The following EIF2AK4 variants were observed in gnomAD, a reference collection of about 807,000 sequenced individuals.
The protein encoded by EIF2AK4 is eIF-2-alpha kinase GCN2.
A neutral mutation model predicts 211.1 loss-of-function variants in EIF2AK4; 139 were observed. The ratio of observed to expected loss-of-function variants is 0.66; its 90% CI spans 0.57 to 0.76. EIF2AK4 has a LOEUF of 0.76. Ranked by LOEUF, EIF2AK4 falls within the 30% of genes least tolerant of loss-of-function variation. The probability of loss-of-function intolerance (pLI) is 0.00; values close to 1 mark genes in which losing one functional copy is unlikely to be tolerated. For synonymous variants in EIF2AK4, 710 were observed against 751.3 expected (o/e 0.94, Z 0.90); for missense variants, 1,664 against 2,043.8 (o/e 0.81, Z 3.58).
Position 39,992,849 on chromosome 15 carries a change from G to A in EIF2AK4, c.2766+1G>A, listed in dbSNP as rs2034964081. On this transcript the variant is annotated splice_donor_variant, in intron 18 of 38. Coordinates refer to ENST00000263791, the MANE Select transcript of EIF2AK4 (RefSeq NM_001013703.4). LOFTEE classifies it high-confidence loss of function. ...AAGCACCAAATCTGCATACAACCAG[G>A]TAAGAGGTTTTGTGGGGAAAAGGAA... 6.2e-7 allele frequency: 1 copy of A among 1,613,906 alleles called. No homozygotes were observed. Among genetic ancestry groups the A allele is most frequent in the Non-Finnish European group, 8.5e-7 (1 of 1,179,936 alleles).
Position 40,034,975 on chromosome 15 carries a change from T to C in EIF2AK4, c.4893-52T>C, listed in dbSNP as rs1054005273. On this transcript the variant is annotated intron_variant, in intron 38 of 38. Coordinates refer to ENST00000263791, the MANE Select transcript of EIF2AK4 (RefSeq NM_001013703.4). ...TGTTATAAAAATTTATTAGCTCTGTTCTTCACTCATTAAACTGAGTCTGTC... is the reference window on the plus strand; with the variant it reads ...TGTTATAAAAATTTATTAGCTCTGTCCTTCACTCATTAAACTGAGTCTGTC... 31 of 1,433,228 alleles carry C rather than the reference T, an allele frequency of 2.2e-5. No individual in the cohort carries two copies. In the African/African-American group the frequency reaches 3.3e-4, roughly 15 times the overall value. The allele number at this position is 1,433,228 out of a possible 1,614,324, so 88.8% of individuals were successfully genotyped here.
rs760774483 is a variant in EIF2AK4 at position 39,967,611 on chromosome 15, T to C, written c.1285T>C (p.Ser429Pro). 3 of 1,614,014 alleles carry C rather than the reference T, an allele frequency of 1.9e-6. No individual in the cohort carries two copies. The highest frequency in any genetic ancestry group is 2.2e-5 in the East Asian group (1 of 44,888). Residue 429 changes from serine (S) to proline (P), a missense_variant, in exon 9 of 39, where the codon TCT becomes CCT. Physicochemically the swap from Ser to Pro is moderately conservative, Grantham distance 74 (BLOSUM62 -1). Transcript: ENST00000263791. ...TGTGGTGCATAAGGTCCTGAGTGCA[T>C]CTAATGTCTTGGTGGATGCAGAAGG... ...NSVVHKVLSA[S>P]NVLVDAEGTV...
intron 9 of EIF2AK4, among the ~76,000 whole-genome samples, chr15:39,972,327 G>A (rs1374466934): frequency 1.3e-5 from 2 of 150,064 alleles, no homozygotes; most frequent in Non-Finnish European, 3.0e-5. Context: ...TGCAGCCTGG[G>A]CGATACGGCA....
chr15:39,954,072 A>G, intron 5 of EIF2AK4, 88 bp downstream of exon 5: 2 of 1,088,228 alleles, frequency 1.8e-6, no homozygotes, highest in Non-Finnish European at 2.5e-6. Flanking sequence ...TACTATCAGT[A>G]ATACAGCTTA....
intron 29 of EIF2AK4, among the ~76,000 whole-genome samples, chr15:40,017,551 A>ATATATGTATG (rs71132134): frequency 3.4e-5 from 3 of 87,082 alleles, no homozygotes; most frequent in Non-Finnish European, 6.9e-5. Context: ...ATATATATAT[A>ATATATGTATG]TATGTATTTT....
At chr15:39,944,588 T>A (rs373400209) in intron 3 of EIF2AK4, among the ~76,000 whole-genome samples, 1 of 152,072 alleles carries the variant, frequency 6.6e-6, no homozygotes, top group South Asian at 2.1e-4. Context: ...CCCACCACCA[T>A]GCCCGGCTAA....
chr15:39,975,872 T>C (rs1032467767), intron 11 of EIF2AK4, among the ~76,000 whole-genome samples: 1 of 152,230 alleles, frequency 6.6e-6, no homozygotes. Context: ...ATAAATGCCA[T>C]TTTAAAGATA....
intron 6 of EIF2AK4, among the ~76,000 whole-genome samples, chr15:39,961,253 A>T (rs1189430522): frequency 6.6e-6 from 1 of 152,148 alleles, no homozygotes; most frequent in African/African-American, 2.4e-5. Context: ...GGAAACCAGG[A>T]ATTTGTGGCA....
At chr15:40,032,671 T>G (rs2035559363) in intron 36 of EIF2AK4, 86 bp from the exon 37 acceptor site, 8 of 1,271,066 alleles carry the variant, frequency 6.3e-6, no homozygotes, top group Non-Finnish European at 9.1e-6. Flanking sequence ...CAAACCCTAT[T>G]CATACTGCTG....
chr15:39,992,817 T>A lies in EIF2AK4; in HGVS notation c.2735T>A (p.Val912Asp), dbSNP rs1340687531. 6.2e-7 allele frequency: 1 copy of A among 1,614,078 alleles called. No homozygotes were observed. ...VGTALYVSPE[V>D]QGSTKSAYNQ... The stretch of plus-strand genomic sequence containing the variant: ...ACTGCTCTCTATGTAAGCCCAGAGG[T>A]CCAAGGAAGCACCAAATCTGCATAC... Residue 912 changes from valine (V) to aspartate (D), a missense_variant, in exon 18 of 39, where the codon GTC (valine) becomes GAC (aspartate). Val to Asp is a radical substitution (Grantham distance 152, BLOSUM62 -3). Coordinates refer to ENST00000263791, the MANE Select transcript of EIF2AK4 (RefSeq NM_001013703.4).
At chr15:40,019,837 G>A (rs1169141517) in intron 30 of EIF2AK4, among the ~76,000 whole-genome samples, 1 of 152,154 alleles carries the variant, frequency 6.6e-6, no homozygotes, top group Non-Finnish European at 1.5e-5. Context: ...AATGTGAGAT[G>A]TTATAGTTGT....
intron 6 of EIF2AK4, 70 bp from the exon 7 acceptor site, chr15:39,961,714 T>C (rs1414833705): frequency 8.2e-7 from 1 of 1,226,060 alleles, no homozygotes; most frequent in African/African-American, 1.5e-5. Context: ...TCTATAACAT[T>C]CCTATGTTAA....
Position 39,978,122 on chromosome 15 carries a change from A to T in EIF2AK4, c.2294A>T (p.Asp765Val). ...AGTGATATTATCTTTGACAATGAAG[A>T]TGAGAACAGTAAAAGTCAGAATCAG... is the stretch of plus-strand genomic sequence containing the variant. ...SESDIIFDNEDENSKSQNQDE... is the reference protein window; with the variant it reads ...SESDIIFDNEVENSKSQNQDE... Residue 765 changes from aspartate (D) to valine (V), a missense_variant, in exon 13 of 39, where the codon GAT becomes GTT. Physicochemically the swap from Asp to Val is radical, Grantham distance 152 (BLOSUM62 -3). This residue lies in a region of EIF2AK4 where 206 missense variants were observed against 201.9 expected (regional missense o/e 1.02). Transcript: ENST00000263791. The T allele has an allele frequency of 1.3e-6, 2 of 1,590,148 alleles. No homozygotes were observed. Among genetic ancestry groups the T allele is most frequent in the Non-Finnish European group, 1.7e-6 (2 of 1,164,026 alleles).
At chr15:39,954,977 G>A (rs1329430360) in intron 5 of EIF2AK4, among the ~76,000 whole-genome samples, 1 of 152,170 alleles carries the variant, frequency 6.6e-6, no homozygotes, top group Non-Finnish European at 1.5e-5. Flanking sequence ...GACTGATAAT[G>A]CCTTTCTTTC....
At chr15:39,949,031 G>A (rs2034267846) in intron 3 of EIF2AK4, 85 bp from the exon 4 acceptor site, 39 of 1,532,006 alleles carry the variant, frequency 2.5e-5, no homozygotes, top group Non-Finnish European at 3.5e-5. Context: ...CTGACCGCCA[G>A]TTTGCTTTCC....
At chr15:39,960,334 A>G (rs1042767953) in intron 6 of EIF2AK4, among the ~76,000 whole-genome samples, 9 of 152,032 alleles carry the variant, frequency 5.9e-5, no homozygotes, top group Non-Finnish European at 1.0e-4. Context: ...GTCCAGGAGA[A>G]AGTTGGAGAT....
chr15:39,998,709 T>A (rs748537818), intron 19 of EIF2AK4, 22 bp from the exon 20 acceptor site: 1 of 1,605,958 alleles, frequency 6.2e-7, no homozygotes, highest in Non-Finnish European at 8.5e-7. Flanking sequence ...AAAACCTTGC[T>A]GATTTGAATA....
intron 12 of EIF2AK4, 157 bp downstream of exon 12, chr15:39,977,001 A>T: frequency 2.1e-6 from 2 of 966,508 alleles, no homozygotes; most frequent in Non-Finnish European, 2.8e-6. Flanking sequence ...CCCAGGCTGG[A>T]GGTCAGTGGC....
intron 27 of EIF2AK4, among the ~76,000 whole-genome samples, chr15:40,013,928 T>C (rs1255645391): frequency 6.6e-6 from 1 of 152,208 alleles, no homozygotes; most frequent in Non-Finnish European, 1.5e-5. Flanking sequence ...ACAAGGCAAG[T>C]CCCTTCCGCC....
Sources: allele counts gnomAD v4.1 joint callset (sites outside exome capture counted in the v4.1 genomes callset), GRCh38; gene constraint gnomAD v4.1.1; regional missense constraint gnomAD v4.1.1; transcripts MANE v1.5; gene names NCBI Gene and HGNC (gene_info 2026-07-23, HGNC 2026-07-21).